The following SV2C variants were observed in gnomAD, a reference collection of about 807,000 sequenced individuals.
The protein encoded by SV2C is solute carrier family 22 member B3.
A neutral mutation model predicts 79.7 loss-of-function variants in SV2C; 49 were observed. The observed-to-expected ratio is 0.61, with a 90% CI of 0.49 to 0.78. SV2C has a LOEUF of 0.78. SV2C is among the 30% of genes least tolerant of loss of function. The probability of loss-of-function intolerance (pLI) is 0.00; values close to 1 mark genes in which losing one functional copy is unlikely to be tolerated. For synonymous variants in SV2C, 334 were observed against 333.2 expected (o/e 1.00, Z -0.03); for missense variants, 833 against 912.9 (o/e 0.91, Z 1.13).
chr5:75,995,491 G>A, the SV2C span, among the ~76,000 whole-genome samples: 1,014 of 152,174 alleles, frequency 6.7e-3, 13 homozygotes, highest in African/African-American at 0.023. Context: ...CTATGGAAAT[G>A]CAGTATATTA....
chr5:75,986,409 C>T, the SV2C span, among the ~76,000 whole-genome samples: 1 of 151,796 alleles, frequency 6.6e-6, no homozygotes, highest in Admixed American at 6.6e-5. Flanking sequence ...CCAACTAGTA[C>T]AGGTGGCTAT....
intron 2 of SV2C, among the ~76,000 whole-genome samples, chr5:76,157,030 A>G (rs1742750037): frequency 6.6e-6 from 1 of 152,098 alleles, no homozygotes; most frequent in African/African-American, 2.4e-5. Context: ...AGGCTTTCCA[A>G]ATGTATTGGA....
At chr5:76,305,736 G>T (rs1178195505) in intron 12 of SV2C, among the ~76,000 whole-genome samples, 1 of 152,182 alleles carries the variant, frequency 6.6e-6, no homozygotes, top group Non-Finnish European at 1.5e-5. Context: ...TTTCCATTCT[G>T]TAAATGCCAT....
At chr5:76,032,473 C>T in the SV2C span, among the ~76,000 whole-genome samples, 6 of 152,136 alleles carry the variant, frequency 3.9e-5, no homozygotes, top group Non-Finnish European at 2.9e-5. Context: ...GTTCAATTCC[C>T]ACCTATGAGT....
chr5:75,920,687 T>G, the SV2C span: 3 of 725,884 alleles, frequency 4.1e-6, no homozygotes, highest in Admixed American at 1.8e-5. Flanking sequence ...GCTCCTTCAT[T>G]CTGTTGAGGG....
intron 6 of SV2C, among the ~76,000 whole-genome samples, chr5:76,288,655 TGA>T (rs2112500905): frequency 6.6e-6 from 1 of 152,284 alleles, no homozygotes; most frequent in South Asian, 2.1e-4. Flanking sequence ...CCAAAAGGGT[TGA>T]GTTACCAAGT....
At chr5:75,857,646 G>C in the SV2C span, among the ~76,000 whole-genome samples, 1 of 152,166 alleles carries the variant, frequency 6.6e-6, no homozygotes, top group African/African-American at 2.4e-5. Context: ...TGTGAAGGAT[G>C]TCATTGGTAT....
intron 1 of SV2C, among the ~76,000 whole-genome samples, chr5:76,117,924 G>A (rs1254417660): frequency 1.3e-5 from 2 of 152,136 alleles, no homozygotes; most frequent in Non-Finnish European, 2.9e-5. Flanking sequence ...GAAAAACACT[G>A]TGCATAAGGC....
At chr5:76,259,768 G>T (rs920390443) in intron 4 of SV2C, among the ~76,000 whole-genome samples, 2 of 152,138 alleles carry the variant, frequency 1.3e-5, no homozygotes, top group Non-Finnish European at 2.9e-5. Flanking sequence ...TCCCTGCAAA[G>T]GACATGAACT....
chr5:75,880,299 T>C, the SV2C span, among the ~76,000 whole-genome samples: 1 of 148,650 alleles, frequency 6.7e-6, no homozygotes, highest in African/African-American at 2.6e-5. Context: ...TTTTCTTTTA[T>C]AGCACTGGCT....
At position 76,268,870 on chromosome 5, in the gene SV2C, G is replaced by T. The variant is rs147327810; in HGVS notation, c.914-16292G>T. 2.8e-3 allele frequency among the ~76,000 whole-genome samples: 421 copies of T among 152,234 alleles called. 1 individual carries two copies. The highest frequency in any genetic ancestry group is 9.8e-3 in the African/African-American group (407 of 41,554). On this transcript the variant is annotated intron_variant, in intron 4 of 12. Coordinates refer to ENST00000502798, the MANE Select transcript of SV2C (RefSeq NM_014979.4). Reference sequence around the variant, plus strand: ...TATAGTTTAACTTTATAACAAAAAAGTATATTCAAAAGAGCTTATAATTGC... The same window carrying T: ...TATAGTTTAACTTTATAACAAAAAATTATATTCAAAAGAGCTTATAATTGC...
the SV2C span, among the ~76,000 whole-genome samples, chr5:75,878,821 A>G: frequency 1.3e-5 from 2 of 152,226 alleles, no homozygotes; most frequent in Admixed American, 6.5e-5. Context: ...TTGCATTGCT[A>G]TAAAACATAT....
At chr5:76,278,608 A>G (rs895948324) in intron 4 of SV2C, among the ~76,000 whole-genome samples, 1 of 152,226 alleles carries the variant, frequency 6.6e-6, no homozygotes, top group Admixed American at 6.5e-5. Flanking sequence ...CTGGGCTTCC[A>G]GGAAAAAGGC....
the SV2C span, among the ~76,000 whole-genome samples, chr5:75,860,530 T>G: frequency 6.6e-6 from 1 of 152,302 alleles, no homozygotes; most frequent in East Asian, 1.9e-4. Context: ...TATCTATAGA[T>G]TCAATGCTAT....
intron 9 of SV2C, among the ~76,000 whole-genome samples, chr5:76,296,863 A>G (rs939391118): frequency 1.3e-5 from 2 of 152,210 alleles, no homozygotes; most frequent in Non-Finnish European, 2.9e-5. Context: ...ATCCAAGCCA[A>G]GTGGGATCAC....
chr5:76,081,213 T>C (rs781261247), upstream of SV2C, among the ~76,000 whole-genome samples: 6 of 152,192 alleles, frequency 3.9e-5, no homozygotes, highest in Non-Finnish European at 8.8e-5. Flanking sequence ...AGATACAGCA[T>C]AGCATAAAGA....
chr5:76,201,975 C>A (rs1223596241), intron 3 of SV2C, among the ~76,000 whole-genome samples: 1 of 137,376 alleles, frequency 7.3e-6, no homozygotes, highest in Non-Finnish European at 1.5e-5. Flanking sequence ...GAGCTCGCGC[C>A]ACTGCACTCC....
chr5:76,348,417 TTG>T (rs1749583639), intron 12 of SV2C, among the ~76,000 whole-genome samples: 1 of 152,220 alleles, frequency 6.6e-6, no homozygotes. Flanking sequence ...ATGCAAGTTT[TTG>T]TATGGACATA....
chr5:76,172,764 C>G (rs1242766119), intron 2 of SV2C, among the ~76,000 whole-genome samples: 1 of 80,822 alleles, frequency 1.2e-5, no homozygotes, highest in Non-Finnish European at 2.3e-5. Flanking sequence ...CCTGTGCTCT[C>G]TGAAACATGT....
Sources: gnomAD v4.1 joint callset for allele counts (sites outside exome capture counted in the v4.1 genomes callset) on GRCh38, gnomAD v4.1.1 for gene constraint, MANE v1.5 for transcripts, NCBI Gene and HGNC (gene_info 2026-07-23, HGNC 2026-07-21) for gene names.